The following SLC39A8 variants were observed in gnomAD, a reference collection of about 807,000 sequenced individuals.
The protein encoded by SLC39A8 is solute carrier family 39 member 8.
A neutral mutation model predicts 40.4 loss-of-function variants in SLC39A8; 15 were observed. The ratio of observed to expected loss-of-function variants is 0.37; its 90% CI spans 0.25 to 0.57. The LOEUF is 0.57. Ranked by LOEUF, SLC39A8 falls within the 20% of genes least tolerant of loss-of-function variation. The pLI is 0.75. For missense variants in SLC39A8, 472 were observed against 558.8 expected, an observed-to-expected ratio of 0.84 and a Z score of 1.57; for synonymous variants, 223 against 221.6, an observed-to-expected ratio of 1.01 and a Z score of -0.06.
intron 3 of SLC39A8, among the ~76,000 whole-genome samples, chr4:102,312,725 A>G (rs902006474): frequency 6.6e-6 from 1 of 152,112 alleles, no homozygotes; most frequent in African/African-American, 2.4e-5. Context: ...GGTACTGAAT[A>G]ATGTTCGAAG....
intron 6 of SLC39A8, among the ~76,000 whole-genome samples, chr4:102,288,400 G>T (rs1733279418): frequency 1.3e-5 from 2 of 152,008 alleles, no homozygotes; most frequent in African/African-American, 4.8e-5. Flanking sequence ...CTTCTGTAGG[G>T]CCTCTCTATT....
downstream of SLC39A8, among the ~76,000 whole-genome samples, chr4:102,258,840 CAGA>C (rs1731773313): frequency 6.6e-6 from 1 of 151,848 alleles, no homozygotes; most frequent in Admixed American, 6.6e-5. Flanking sequence ...CTTGGTTTTC[CAGA>C]AGTTCACTCA....
intron 6 of SLC39A8, among the ~76,000 whole-genome samples, chr4:102,289,498 C>T (rs1010831698): frequency 1.3e-5 from 2 of 151,948 alleles, no homozygotes; most frequent in Admixed American, 6.6e-5. Flanking sequence ...ACTGTAGCTG[C>T]CATAGTAGTG....
At chr4:102,279,965 A>G (rs28505163) in intron 6 of SLC39A8, among the ~76,000 whole-genome samples, 20,609 of 152,122 alleles carry the variant, frequency 0.14, 1,820 homozygotes, top group African/African-American at 0.23. Flanking sequence ...TTCTTTCCCC[A>G]TAAGACCTGC....
At chr4:102,344,938 G>A (rs984350805) in intron 1 of SLC39A8, 23 bp from the exon 2 acceptor site, 3 of 1,226,516 alleles carry the variant, frequency 2.4e-6, no homozygotes, top group African/African-American at 3.2e-5. Context: ...GGACAAAGGG[G>A]GACAGAGATA....
At chr4:102,344,061 T>TTG (rs571560300) in intron 2 of SLC39A8, among the ~76,000 whole-genome samples, 68 of 152,310 alleles carry the variant, frequency 4.5e-4, no homozygotes, top group African/African-American at 1.6e-3. Flanking sequence ...CTTGCTAACC[T>TTG]TGTAGGAAGT....
intron 3 of SLC39A8, among the ~76,000 whole-genome samples, chr4:102,314,278 C>T (rs141162375): frequency 1.3e-5 from 2 of 152,168 alleles, no homozygotes; most frequent in East Asian, 1.9e-4. Context: ...AAGTCCCCAT[C>T]ATCCTGGCAT....
chr4:102,275,293 C>T (rs1479081027), intron 6 of SLC39A8, among the ~76,000 whole-genome samples: 1 of 148,976 alleles, frequency 6.7e-6, no homozygotes, highest in African/African-American at 2.6e-5. Context: ...AAAACAAAAA[C>T]AAAAACAAAA....
intron 6 of SLC39A8, among the ~76,000 whole-genome samples, chr4:102,279,592 G>A (rs1037953156): frequency 6.6e-6 from 1 of 152,156 alleles, no homozygotes; most frequent in African/African-American, 2.4e-5. Context: ...TCAAGGTGAT[G>A]TCAGACAGTA....
chr4:102,318,839 G>T (rs965279546), intron 2 of SLC39A8, among the ~76,000 whole-genome samples: 1 of 152,162 alleles, frequency 6.6e-6, no homozygotes, highest in Non-Finnish European at 1.5e-5. Context: ...TCACATTTAT[G>T]ACAGCTTTAC....
At chr4:102,335,523 A>G (rs930788604) in intron 2 of SLC39A8, among the ~76,000 whole-genome samples, 1 of 152,192 alleles carries the variant, frequency 6.6e-6, no homozygotes, top group Non-Finnish European at 1.5e-5. Context: ...GTAGATCTCA[A>G]TTTAAAACCG....
intron 2 of SLC39A8, among the ~76,000 whole-genome samples, chr4:102,344,054 G>C (rs545739583): frequency 1.2e-4 from 18 of 152,250 alleles, no homozygotes; most frequent in African/African-American, 3.9e-4. Context: ...AATCTTCCTT[G>C]CTAACCTTGT....
chr4:102,280,667 T>A (rs1401490139), intron 6 of SLC39A8, among the ~76,000 whole-genome samples: 1 of 152,230 alleles, frequency 6.6e-6, no homozygotes, highest in East Asian at 1.9e-4. Flanking sequence ...ATTTATCCTT[T>A]AATGCATGTA....
At chr4:102,257,963 T>C (rs1369287653), downstream of SLC39A8, among the ~76,000 whole-genome samples, 2 of 152,128 alleles carry the variant, frequency 1.3e-5, no homozygotes, top group Non-Finnish European at 2.9e-5. Flanking sequence ...AGGTCAGCAG[T>C]GTGGGTGGGA....
chr4:102,261,972 A>T lies in SLC39A8; in HGVS notation c.*1072T>A. On this transcript the variant is annotated 3_prime_UTR_variant, in exon 9 of 9. Transcript: ENST00000356736. ...CTCTGTCTTTTATAAAAGGTAGAAA[A>T]ATAACCATGGTGTGCTAATTTTTTT... The T allele has an allele frequency of 1.0e-6, 1 of 985,942 alleles. No individual in the cohort carries two copies. Among genetic ancestry groups the T allele is most frequent in the Non-Finnish European group, 1.2e-6 (1 of 829,918 alleles). The allele number at this position is 985,942 out of a possible 1,614,324, so 61.1% of individuals were successfully genotyped here. A position where few individuals can be genotyped will look rare whatever the true frequency, so the allele number is the denominator to read the frequency against.
intron 2 of SLC39A8, among the ~76,000 whole-genome samples, chr4:102,321,823 G>C (rs558424575): frequency 6.6e-6 from 1 of 152,318 alleles, no homozygotes; most frequent in South Asian, 2.1e-4. Flanking sequence ...TCTGCAATGA[G>C]GTCATAGCTG....
intron 8 of SLC39A8, among the ~76,000 whole-genome samples, chr4:102,265,347 C>T (rs757898276): frequency 6.6e-6 from 1 of 152,088 alleles, no homozygotes; most frequent in African/African-American, 2.4e-5. Flanking sequence ...ACACACACAA[C>T]ATTTGTCAAT....
chr4:102,315,883 A>C (rs1248670704), intron 2 of SLC39A8, 53 bp from the exon 3 acceptor site: 1 of 1,472,920 alleles, frequency 6.8e-7, no homozygotes, highest in Non-Finnish European at 9.3e-7. Context: ...AAAAGCACAT[A>C]AGCAAAGATG....
chr4:102,336,599 T>C (rs560388074), intron 2 of SLC39A8, among the ~76,000 whole-genome samples: 5 of 152,264 alleles, frequency 3.3e-5, no homozygotes, highest in Admixed American at 1.3e-4. Flanking sequence ...TTGGAGGGCA[T>C]AATGCTACAT....
Sources: allele counts gnomAD v4.1 joint callset (sites outside exome capture counted in the v4.1 genomes callset), GRCh38; gene constraint gnomAD v4.1.1; transcripts MANE v1.5; gene names NCBI Gene and HGNC (gene_info 2026-07-23, HGNC 2026-07-21).